MRGBP: variants seen among roughly 807,000 people sequenced by gnomAD.
MRGBP encodes MRG domain binding protein.
In MRGBP, 5 loss-of-function variants were observed where a neutral mutation model predicts 21.5. The observed-to-expected ratio is 0.23, with a 90% confidence interval of 0.12 to 0.49. MRGBP has a LOEUF of 0.49. MRGBP is among the 20% of genes least tolerant of loss of function. The pLI, the probability that MRGBP is intolerant of heterozygous loss-of-function variation, is 0.98. For synonymous variants in MRGBP, 118 were observed against 104.4 expected (o/e 1.13, Z -0.79); for missense variants, 227 against 277.4 (o/e 0.82, Z 1.29).
chr20:62,797,030 A>C (rs1600763476), intron 1 of MRGBP, 80 bp from the exon 2 acceptor site: 2 of 997,522 alleles, frequency 2.0e-6, no homozygotes, highest in Non-Finnish European at 1.2e-6. Flanking sequence ...TTGCCCCTCC[A>C]GTCCCCAGGG....
Position 62,799,715 on chromosome 20 carries a change from G to A in MRGBP, c.*72G>A. 2.0e-6 allele frequency: 3 copies of A among 1,494,408 alleles called. No homozygotes were observed. Among genetic ancestry groups the A allele is most frequent in the Non-Finnish European group, 2.7e-6 (3 of 1,108,286 alleles). The allele number at this position is 1,494,408 out of a possible 1,614,324, so 92.6% of individuals were successfully genotyped here. On this transcript the variant is annotated 3_prime_UTR_variant, in exon 5 of 5. Coordinates refer to ENST00000370487, the MANE Select transcript of MRGBP (RefSeq NM_018270.6). The stretch of plus-strand genomic sequence containing the variant: ...CGCTGAGGGGGTTGGCTGGGTCTGA[G>A]TGCCACCCCCCAGGCCACAGTGATA...
At chr20:62,797,048 T>A in intron 1 of MRGBP, 62 bp from the exon 2 acceptor site, 1 of 1,369,152 alleles carries the variant, frequency 7.3e-7, no homozygotes, top group Admixed American at 2.2e-5. Context: ...GGGCAGCCCG[T>A]CCCCTCCATC....
At chr20:62,798,859 G>A (rs577225408) in intron 3 of MRGBP, 116 bp from the exon 4 acceptor site, 3 of 1,577,918 alleles carry the variant, frequency 1.9e-6, no homozygotes, top group East Asian at 2.2e-5. Context: ...GCAGTGGCTG[G>A]ACGGAAGCTG....
At chr20:62,799,299 C>T (rs1489375596) in intron 4 of MRGBP, among the ~76,000 whole-genome samples, 157 bp from the exon 5 acceptor site, 1 of 152,148 alleles carries the variant, frequency 6.6e-6, no homozygotes, top group Admixed American at 6.5e-5. Context: ...AGGACCAGGC[C>T]CCTCTGTGGG....
At chr20:62,798,731 G>A in intron 3 of MRGBP, 63 bp downstream of exon 3, 1 of 1,601,558 alleles carries the variant, frequency 6.2e-7, no homozygotes, top group Non-Finnish European at 8.5e-7. Context: ...CAAGGGCAGG[G>A]AGGTGAGGGT....
rs1275039717 is a variant in MRGBP at position 62,801,274 on chromosome 20, C to G, written c.*1631C>G. ...CCCTGTGGGTCCCTTTTCTATAGAG[C>G]CGGGACAAATCCACAGCCCTGCAGT... On this transcript the variant is annotated 3_prime_UTR_variant, in exon 5 of 5. Coordinates refer to ENST00000370487, the MANE Select transcript of MRGBP (RefSeq NM_018270.6). 4 of 152,190 alleles carry G rather than the reference C, an allele frequency of 2.6e-5. No individual in the cohort carries two copies. Among genetic ancestry groups the G allele is most frequent in the Non-Finnish European group, 4.4e-5 (3 of 68,054 alleles). The allele number at this position is 152,190 out of a possible 1,614,324, so 9.4% of individuals were successfully genotyped here. A position where few individuals can be genotyped will look rare whatever the true frequency, so the allele number is the denominator to read the frequency against.
chr20:62,796,566 A>T lies in MRGBP; in HGVS notation c.43A>T (p.Lys15Ter). Residue 15 changes from lysine (K) to a stop codon, truncating the protein, a stop_gained, in exon 1 of 5, where the codon AAG (lysine) becomes TAG (stop). Transcript: ENST00000370487. LOFTEE classifies it high-confidence loss of function. The part of the protein sequence containing the change: ...EVGGGGAAGD[K>*]GPGEAATSPA... ...GGGCGGCGGGGGCGCCGCAGGCGAC[A>T]AGGGCCCGGGGGAGGCGGCCACCAG... is the stretch of plus-strand genomic sequence containing the variant. The T allele has an allele frequency of 8.1e-7, 1 of 1,230,612 alleles. No individual in the cohort carries two copies. Among genetic ancestry groups the T allele is most frequent in the Non-Finnish European group, 1.0e-6 (1 of 981,030 alleles). 76.2% of individuals were successfully genotyped at this position (1,230,612 alleles called of 1,614,324 possible).
At position 62,796,535 on chromosome 20, in the gene MRGBP, C is replaced by T; in HGVS notation, c.12C>T (p.Ala4=). Residue 4 remains alanine (A), a synonymous_variant, in exon 1 of 5, where the codon GCC becomes GCT. Transcript: ENST00000370487. MGE[A]EVGGGGAAGD... ...GCCGGGCCGCGGCCATGGGAGAGGC[C>T]GAGGTGGGCGGCGGGGGCGCCGCAG... 3 of 1,176,420 alleles carry T rather than the reference C, an allele frequency of 2.6e-6. No homozygotes were observed. The highest frequency in any genetic ancestry group is 2.1e-6 in the Non-Finnish European group (2 of 950,424). 72.9% of individuals were successfully genotyped at this position (1,176,420 alleles called of 1,614,324 possible).
rs781439740 is a variant in MRGBP, at chr20:62,798,572, T to G, written c.271-15T>G. ...CACCCTTGTTTCTTAAACAAAACTC[T>G]CTATTTGATATCAGCATGAGTCTGA... is the stretch of plus-strand genomic sequence containing the variant. On this transcript the variant is annotated splice_polypyrimidine_tract_variant and intron_variant, in intron 2 of 4. Transcript: ENST00000370487. 3 of 1,608,964 alleles carry G rather than the reference T, an allele frequency of 1.9e-6. No homozygotes were observed. Among genetic ancestry groups the G allele is most frequent in the Non-Finnish European group, 2.6e-6 (3 of 1,175,670 alleles).
chr20:62,799,105 T>G (rs1015129182), intron 4 of MRGBP, 56 bp downstream of exon 4: 49 of 1,545,920 alleles, frequency 3.2e-5, no homozygotes, highest in Middle Eastern at 1.7e-4. Flanking sequence ...ACCCCAAGAC[T>G]GCCTTCAGGC....
At position 62,797,198 on chromosome 20, in the gene MRGBP, C is replaced by G. The variant is rs747817250; in HGVS notation, c.237C>G (p.Asp79Glu). 52 of 1,603,786 alleles carry G rather than the reference C, an allele frequency of 3.2e-5. No homozygotes were observed. The highest frequency in any genetic ancestry group is 1.8e-4 in the East Asian group (8 of 43,434). The change falls in exon 2 of 5, where the codon GAC (aspartate) becomes GAG (glutamate). Residue 79 changes from aspartate to glutamate, a missense_variant. Physicochemically the swap from Asp to Glu is conservative, Grantham distance 45 (BLOSUM62 2). Around this residue, in one of 2 missense-constraint regions of MRGBP, gnomAD observed 162 missense variants for 227.7 expected, o/e 0.71. Transcript: ENST00000370487. The part of the protein sequence containing the change: ...GRQVPSKVIW[D>E]HLSTMYDMQA... ...AGGTCCCATCCAAGGTCATCTGGGACCATCTGAGCACCATGTACGACATGC... is the reference window on the plus strand; with the variant it reads ...AGGTCCCATCCAAGGTCATCTGGGAGCATCTGAGCACCATGTACGACATGC...
intron 1 of MRGBP, 67 bp downstream of exon 1, chr20:62,796,738 GCGCTCGCGACACCCTCGCCCCCA>G: frequency 8.4e-7 from 1 of 1,184,652 alleles, no homozygotes. Context: ...GGCGGGGCCT[GCGCTCGCGACACCCTCGCCCCCA>G]CGCTCCCCGC....
In MRGBP at chr20:62,799,454, A is replaced by G; in HGVS notation, c.428-2A>G. The G allele has an allele frequency of 6.2e-7, 1 of 1,602,844 alleles. No individual in the cohort carries two copies. Among genetic ancestry groups the G allele is most frequent in the Non-Finnish European group, 8.5e-7 (1 of 1,174,926 alleles). On this transcript the variant is annotated splice_acceptor_variant, in intron 4 of 4. Transcript: ENST00000370487. LOFTEE classifies it high-confidence loss of function. ...TCAGCCAAGTGATTTTTCGTTTCTC[A>G]GTTTTTTCATCTTCAGGGAGTTTGG...
chr20:62,800,811 C>CG lies in MRGBP; in HGVS notation c.*1171dup, dbSNP rs973019037. 2.6e-5 allele frequency: 4 copies of CG among 152,202 alleles called. No homozygotes were observed. Among genetic ancestry groups the CG allele is most frequent in the Admixed American group, 1.3e-4 (2 of 15,280 alleles). The allele number at this position is 152,202 out of a possible 1,614,324, so 9.4% of individuals were successfully genotyped here. On this transcript the variant is annotated 3_prime_UTR_variant, in exon 5 of 5. Coordinates refer to ENST00000370487, the MANE Select transcript of MRGBP (RefSeq NM_018270.6). ...AAAATGTTAGGAGGGCAAAACGGTG[C>CG]GGGCCCTCGTAGGTCAGGCAGGCAC...
In MRGBP at chr20:62,799,700, G is replaced by C; in HGVS notation, c.*57G>C. On this transcript the variant is annotated 3_prime_UTR_variant, in exon 5 of 5. Transcript: ENST00000370487. ...GCGAGGCACTGTGGTCGCTGAGGGGGTTGGCTGGGTCTGAGTGCCACCCCC... is the reference window on the plus strand; with the variant it reads ...GCGAGGCACTGTGGTCGCTGAGGGGCTTGGCTGGGTCTGAGTGCCACCCCC... The C allele has an allele frequency of 6.5e-7, 1 of 1,549,292 alleles. No homozygotes were observed. Among genetic ancestry groups the C allele is most frequent in the Non-Finnish European group, 8.7e-7 (1 of 1,147,598 alleles).
intron 4 of MRGBP, 80 bp from the exon 5 acceptor site, chr20:62,799,376 A>C: frequency 7.5e-6 from 11 of 1,460,584 alleles, no homozygotes; most frequent in Non-Finnish European, 1.0e-5. Context: ...GTCAGTATGC[A>C]GATTTTTTTA....
rs2051849486 is a variant in MRGBP at position 62,796,626 on chromosome 20, G to A, written c.103G>A (p.Val35Met). 1 of 1,336,850 alleles carries A rather than the reference G, an allele frequency of 7.5e-7. No homozygotes were observed. Among genetic ancestry groups the A allele is most frequent in the African/African-American group, 1.6e-5 (1 of 64,180 alleles). 82.8% of individuals were successfully genotyped at this position (1,336,850 alleles called of 1,614,324 possible). A position where few individuals can be genotyped will look rare whatever the true frequency, so the allele number is the denominator to read the frequency against. ...GGAGACAGTGGTGTGGAGCCCCGAG[G>A]TGGAGGTGTGCCTCTTCCACGCCAT... ...AEETVVWSPE[V>M]EVCLFHAMLG... The change falls in exon 1 of 5, where the codon GTG becomes ATG. Residue 35 changes from valine to methionine, a missense_variant. Transcript: ENST00000370487.
Position 62,800,245 on chromosome 20 carries a change from C to G in MRGBP, c.*602C>G, listed in dbSNP as rs1023053410. On this transcript the variant is annotated 3_prime_UTR_variant, in exon 5 of 5. Transcript: ENST00000370487. ...TAAGAACTGGATATTTTGCCTCATT[C>G]ACTTGTACTGTAACAATGTATATAA... 2.6e-5 allele frequency: 4 copies of G among 152,606 alleles called. No individual in the cohort carries two copies. The highest frequency in any genetic ancestry group is 5.9e-5 in the Non-Finnish European group (4 of 68,118). 9.5% of individuals were successfully genotyped at this position (152,606 alleles called of 1,614,324 possible). A position where few individuals can be genotyped will look rare whatever the true frequency, so the allele number is the denominator to read the frequency against.
chr20:62,801,242 G>C lies in MRGBP; in HGVS notation c.*1599G>C, dbSNP rs1333558060. The C allele has an allele frequency of 1.3e-5, 2 of 152,152 alleles. No homozygotes were observed. The highest frequency in any genetic ancestry group is 3.9e-4 in the East Asian group (2 of 5,192). 9.4% of individuals were successfully genotyped at this position (152,152 alleles called of 1,614,324 possible). On this transcript the variant is annotated 3_prime_UTR_variant, in exon 5 of 5. Coordinates refer to ENST00000370487, the MANE Select transcript of MRGBP (RefSeq NM_018270.6). Reference sequence around the variant, plus strand: ...TATTCCAAGGGTAGAGCAGCTGCCTGGGGGGACCCTGTGGGTCCCTTTTCT... The same window carrying C: ...TATTCCAAGGGTAGAGCAGCTGCCTCGGGGGACCCTGTGGGTCCCTTTTCT...
Sources: allele counts gnomAD v4.1 joint callset (sites outside exome capture counted in the v4.1 genomes callset), GRCh38; gene constraint gnomAD v4.1.1; regional missense constraint gnomAD v4.1.1; transcripts MANE v1.5; gene names NCBI Gene and HGNC (gene_info 2026-07-23, HGNC 2026-07-21).